PTPN18: variants seen among roughly 807,000 people sequenced by gnomAD.
PTPN18 encodes protein tyrosine phosphatase non-receptor type 18, also known as tyrosine-protein phosphatase non-receptor type 18.
A neutral mutation model predicts 65.4 loss-of-function variants in PTPN18; 65 were observed. The observed-to-expected ratio is 0.99, with a 90% confidence interval of 0.81 to 1.22. PTPN18 has a LOEUF of 1.22. Ranked by LOEUF, PTPN18 falls within the 50% of genes most tolerant of loss-of-function variation. The probability of loss-of-function intolerance (pLI) is 0.00; values close to 1 mark genes in which losing one functional copy is unlikely to be tolerated. For synonymous variants in PTPN18, 255 were observed against 267.8 expected (o/e 0.95, Z 0.47); for missense variants, 616 against 646.5 (o/e 0.95, Z 0.51).
intron 13 of PTPN18, 177 bp downstream of exon 13, chr2:130,372,660 G>GGTCGCA: frequency 9.9e-7 from 1 of 1,006,490 alleles, no homozygotes; most frequent in Non-Finnish European, 1.4e-6. Flanking sequence ...GCCCCCTGGC[G>GGTCGCA]GTCGCAGTCG....
chr2:130,372,584 C>G, intron 13 of PTPN18, 101 bp downstream of exon 13: 1 of 1,338,122 alleles, frequency 7.5e-7, no homozygotes, highest in Non-Finnish European at 9.8e-7. Context: ...CCGCGGGGAC[C>G]CCAGCCGCTA....
intron 1 of PTPN18, chr2:130,356,473 C>T (rs901388824): frequency 7.6e-6 from 4 of 526,506 alleles, no homozygotes; most frequent in Admixed American, 2.8e-5. Context: ...CGTCGCGCTC[C>T]CGGAACAACC....
chr2:130,363,198 C>T (rs113164400), intron 5 of PTPN18, among the ~76,000 whole-genome samples: 11,512 of 151,490 alleles, frequency 0.076, 1,316 homozygotes, highest in African/African-American at 0.24. Flanking sequence ...CCTGTAATCC[C>T]AGCACTTTGG....
intron 5 of PTPN18, among the ~76,000 whole-genome samples, chr2:130,361,721 G>A (rs7569474): frequency 0.076 from 11,488 of 151,772 alleles, 1,314 homozygotes; most frequent in African/African-American, 0.24. Flanking sequence ...TCGAGTAGCT[G>A]GGATTGCAGG....
intron 5 of PTPN18, among the ~76,000 whole-genome samples, chr2:130,363,552 A>G (rs1680293050): frequency 6.6e-6 from 1 of 152,184 alleles, no homozygotes; most frequent in Non-Finnish European, 1.5e-5. Flanking sequence ...TTGCCTTTAT[A>G]CATTTGCTTA....
chr2:130,372,575 C>T (rs927208172), intron 13 of PTPN18, 92 bp downstream of exon 13: 2 of 1,363,408 alleles, frequency 1.5e-6, no homozygotes, highest in Non-Finnish European at 1.9e-6. Context: ...CCCTGGCGGC[C>T]GCGGGGACCC....
Position 130,374,532 on chromosome 2 carries a change from G to A in PTPN18, c.*1308G>A, listed in dbSNP as rs997354595. The A allele has an allele frequency of 2.3e-6, 1 of 433,992 alleles. No individual in the cohort carries two copies. Among genetic ancestry groups the A allele is most frequent in the East Asian group, 7.2e-5 (1 of 13,954 alleles). 26.9% of individuals were successfully genotyped at this position (433,992 alleles called of 1,614,324 possible). On this transcript the variant is annotated 3_prime_UTR_variant, in exon 15 of 15. Transcript: ENST00000175756. The stretch of plus-strand genomic sequence containing the variant: ...TTCCTGCTAGGATAAAACATTAAGC[G>A]GCTGTTAAAAGAAATAAAAGGAGGA...
At chr2:130,364,745 G>A (rs1216787852) in intron 5 of PTPN18, among the ~76,000 whole-genome samples, 1 of 152,192 alleles carries the variant, frequency 6.6e-6, no homozygotes, top group Non-Finnish European at 1.5e-5. Context: ...GCAGTGAGCC[G>A]AGATCGCACC....
Position 130,372,361 on chromosome 2 carries a change from G to T in PTPN18, c.1118G>T (p.Gly373Val). 1.2e-6 allele frequency: 1 copy of T among 846,158 alleles called. No homozygotes were observed. 52.4% of individuals were successfully genotyped at this position (846,158 alleles called of 1,614,324 possible). Reference protein sequence around the residue: ...PAGAGSGTQTGTGTGTGARSA... With the variant: ...PAGAGSGTQTVTGTGTGARSA... ...GGCGCCGGGAGTGGGACGCAGACGG[G>T]GACGGGGACGGGGACGGGGGCGCGC... The change falls in exon 13 of 15, where the codon GGG becomes GTG. Residue 373 changes from glycine (G) to valine (V), a missense_variant. This residue lies in a region of PTPN18 where 368 missense variants were observed against 386.7 expected (regional missense o/e 0.95). Coordinates refer to ENST00000175756, the MANE Select transcript of PTPN18 (RefSeq NM_014369.4).
chr2:130,374,857 A>G lies in PTPN18; in HGVS notation c.*1633A>G. On this transcript the variant is annotated 3_prime_UTR_variant, in exon 15 of 15. Coordinates refer to ENST00000175756, the MANE Select transcript of PTPN18 (RefSeq NM_014369.4). The stretch of plus-strand genomic sequence containing the variant: ...GAACTCCACTCTCCTGCAGCCTTCA[A>G]TCAAGGAATGATGGGGATGTGTACA... 1 of 363,072 alleles carries G rather than the reference A, an allele frequency of 2.8e-6. No homozygotes were observed. The highest frequency in any genetic ancestry group is 2.0e-5 in the South Asian group (1 of 49,796). 22.5% of individuals were successfully genotyped at this position (363,072 alleles called of 1,614,324 possible).
chr2:130,374,386 T>C lies in PTPN18; in HGVS notation c.*1162T>C, dbSNP rs988487382. The stretch of plus-strand genomic sequence containing the variant: ...TTTTGCCATGTTGCCCAGACTGGTC[T>C]TGAACTCCCAACCTCAAGCAATCCT... On this transcript the variant is annotated 3_prime_UTR_variant, in exon 15 of 15. Transcript: ENST00000175756. 1.4e-5 allele frequency: 4 copies of C among 280,254 alleles called. No homozygotes were observed. The highest frequency in any genetic ancestry group is 2.9e-5 in the Non-Finnish European group (4 of 137,874). 17.4% of individuals were successfully genotyped at this position (280,254 alleles called of 1,614,324 possible).
At chr2:130,369,038 C>T in intron 5 of PTPN18, 95 bp from the exon 6 acceptor site, 1 of 1,061,568 alleles carries the variant, frequency 9.4e-7, no homozygotes, top group Admixed American at 2.1e-5. Flanking sequence ...GTGCTTCCAC[C>T]ACGAGCACCT....
Position 130,372,370 on chromosome 2 carries a change from CGG to C in PTPN18, c.1130_1131del (p.Gly377AspfsTer40). 2 of 1,365,770 alleles carry C rather than the reference CGG, an allele frequency of 1.5e-6. No individual in the cohort carries two copies. The highest frequency in any genetic ancestry group is 1.9e-6 in the Non-Finnish European group (2 of 1,064,014). 84.6% of individuals were successfully genotyped at this position (1,365,770 alleles called of 1,614,324 possible). On this transcript the variant is annotated frameshift_variant, in exon 13 of 15. Transcript: ENST00000175756. LOFTEE classifies it high-confidence loss of function. ...AGTGGGACGCAGACGGGGACGGGGA[CGG>C]GGACGGGGGCGCGCAGCGCGGAGGA... is the stretch of plus-strand genomic sequence containing the variant.
chr2:130,372,239 G>C lies in PTPN18; in HGVS notation c.1014-18G>C. Reference sequence around the variant, plus strand: ...CAGCGCCGCCGTTTCACTTCCTCCCGGCCCTCCCTGCCTGCAGGAGCATCT... The same window carrying C: ...CAGCGCCGCCGTTTCACTTCCTCCCCGCCCTCCCTGCCTGCAGGAGCATCT... On this transcript the variant is annotated intron_variant, in intron 12 of 14. Coordinates refer to ENST00000175756, the MANE Select transcript of PTPN18 (RefSeq NM_014369.4). 1 of 1,566,370 alleles carries C rather than the reference G, an allele frequency of 6.4e-7. No individual in the cohort carries two copies. Among genetic ancestry groups the C allele is most frequent in the Non-Finnish European group, 8.6e-7 (1 of 1,164,612 alleles).
chr2:130,359,628 A>G lies in PTPN18; in HGVS notation c.396A>G (p.Arg132=). ...FGVKVILMAC[R]EIENGRKRCE... is the part of the protein sequence containing the mutation. ...TCTAGGTGATCCTGATGGCCTGTCG[A>G]GAGATAGAGAATGGGCGGGTAGGTG... Residue 132 remains arginine (R), a synonymous_variant, in exon 5 of 15, where the codon CGA becomes CGG. Transcript: ENST00000175756. 6.2e-7 allele frequency: 1 copy of G among 1,613,848 alleles called. No homozygotes were observed. The highest frequency in any genetic ancestry group is 8.5e-7 in the Non-Finnish European group (1 of 1,179,934).
Position 130,373,467 on chromosome 2 carries a change from A to C in PTPN18, c.*243A>C. Reference sequence around the variant, plus strand: ...AGCAGATTCAAGAAAGAAGATCAGGAAGGGGCATGACCCCTGAGTTATGAA... The same window carrying C: ...AGCAGATTCAAGAAAGAAGATCAGGCAGGGGCATGACCCCTGAGTTATGAA... On this transcript the variant is annotated 3_prime_UTR_variant, in exon 15 of 15. Coordinates refer to ENST00000175756, the MANE Select transcript of PTPN18 (RefSeq NM_014369.4). The surrounding 1 kb of genome is among the most constrained non-coding windows in gnomAD (Gnocchi z 4.1). 1 of 421,780 alleles carries C rather than the reference A, an allele frequency of 2.4e-6. No individual in the cohort carries two copies. The highest frequency in any genetic ancestry group is 4.2e-6 in the Non-Finnish European group (1 of 236,568). 26.1% of individuals were successfully genotyped at this position (421,780 alleles called of 1,614,324 possible).
chr2:130,366,680 T>C (rs1680394076), intron 5 of PTPN18, among the ~76,000 whole-genome samples: 1 of 152,208 alleles, frequency 6.6e-6, no homozygotes, highest in Non-Finnish European at 1.5e-5. Flanking sequence ...TTAATTCCTC[T>C]TTGTTTGATA....
rs1680117541 is a variant in PTPN18, at chr2:130,359,457, G to A, written c.340G>A (p.Asp114Asn). 6.2e-7 allele frequency: 1 copy of A among 1,614,078 alleles called. No homozygotes were observed. Among genetic ancestry groups the A allele is most frequent in the African/African-American group, 1.3e-5 (1 of 74,938 alleles). Residue 114 changes from aspartate (D) to asparagine (N), a missense_variant, in exon 4 of 15, where the codon GAC becomes AAC. Around this residue, in one of 3 missense-constraint regions of PTPN18, gnomAD observed 223 missense variants for 210.0 expected, o/e 1.06. Coordinates refer to ENST00000175756, the MANE Select transcript of PTPN18 (RefSeq NM_014369.4). ...AGGACCCTTGCCTCACACCCTGCTA[G>A]ACTTCTGGAGACTGGTCTGGGAGTT... is the stretch of plus-strand genomic sequence containing the variant. ...TQGPLPHTLLDFWRLVWEFGV... is the reference protein window; with the variant it reads ...TQGPLPHTLLNFWRLVWEFGV...
intron 1 of PTPN18, among the ~76,000 whole-genome samples, chr2:130,357,444 AC>A (rs1365317319): frequency 6.6e-6 from 1 of 152,266 alleles, no homozygotes; most frequent in Non-Finnish European, 1.5e-5. Context: ...ATTATAAATG[AC>A]CGTTTATACA....
Sources: gnomAD v4.1 joint callset for allele counts (sites outside exome capture counted in the v4.1 genomes callset) on GRCh38, gnomAD v4.1.1 for gene constraint, gnomAD v4.1.1 regional missense constraint, Gnocchi (gnomAD v3.1) non-coding constraint, MANE v1.5 for transcripts, NCBI Gene and HGNC (gene_info 2026-07-23, HGNC 2026-07-21) for gene names.